HS3ST4: variants seen among roughly 807,000 people sequenced by gnomAD.
HS3ST4 encodes the protein heparan sulfate-glucosamine 3-sulfotransferase 4, also known as heparan sulfate glucosamine 3-O-sulfotransferase 4.
A neutral mutation model predicts 29.2 loss-of-function variants in HS3ST4; 17 were observed. That is an observed-to-expected ratio of 0.58 (90% confidence interval 0.40 to 0.87). The LOEUF (loss-of-function observed/expected upper bound fraction) is 0.87. Ranked by LOEUF, HS3ST4 falls within the 40% of genes least tolerant of loss-of-function variation. The pLI is 0.00. For synonymous variants in HS3ST4, 314 were observed against 285.7 expected, an observed-to-expected ratio of 1.10 and a Z score of -1.00; for missense variants, 627 against 634.5, an observed-to-expected ratio of 0.99 and a Z score of 0.13.
chr16:25,748,566 T>C (rs1966699427), intron 1 of HS3ST4, among the ~76,000 whole-genome samples: 1 of 152,230 alleles, frequency 6.6e-6, no homozygotes, highest in South Asian at 2.1e-4. Flanking sequence ...TAAAAATGCA[T>C]GAAGCAGTGT....
chr16:25,960,000 G>T (rs918510985), intron 1 of HS3ST4, among the ~76,000 whole-genome samples: 1 of 152,170 alleles, frequency 6.6e-6, no homozygotes, highest in Non-Finnish European at 1.5e-5. Flanking sequence ...GTGGAGCATG[G>T]TGTTGGGTGC....
chr16:26,105,345 G>A (rs1236953801), intron 1 of HS3ST4, among the ~76,000 whole-genome samples: 2 of 152,146 alleles, frequency 1.3e-5, no homozygotes, highest in African/African-American at 2.4e-5. Flanking sequence ...GTGAATACAA[G>A]AGTGGGGAGG....
At chr16:25,962,693 A>C (rs1416468268) in intron 1 of HS3ST4, among the ~76,000 whole-genome samples, 1 of 152,122 alleles carries the variant, frequency 6.6e-6, no homozygotes, top group Non-Finnish European at 1.5e-5. Flanking sequence ...TGAAAATAGC[A>C]TGAAGGTGAG....
intron 1 of HS3ST4, among the ~76,000 whole-genome samples, chr16:26,065,694 CACA>C (rs1898534073): frequency 1.3e-5 from 2 of 152,126 alleles, no homozygotes; most frequent in Admixed American, 1.3e-4. Context: ...TAGACTACAC[CACA>C]AAGTAAGAGA....
At chr16:26,132,016 CT>C (rs1567319467) in intron 1 of HS3ST4, among the ~76,000 whole-genome samples, 1 of 152,154 alleles carries the variant, frequency 6.6e-6, no homozygotes, top group African/African-American at 2.4e-5. Context: ...CTGTTTCCTT[CT>C]CTGTAAAACT....
At chr16:25,973,500 A>G (rs1270533011) in intron 1 of HS3ST4, among the ~76,000 whole-genome samples, 2 of 152,244 alleles carry the variant, frequency 1.3e-5, no homozygotes, top group African/African-American at 2.4e-5. Flanking sequence ...AGATGTGCCC[A>G]TGAAGAGTTC....
At chr16:25,822,288 AG>A (rs1301622131) in intron 1 of HS3ST4, among the ~76,000 whole-genome samples, 3 of 152,058 alleles carry the variant, frequency 2.0e-5, no homozygotes, top group Non-Finnish European at 4.4e-5. Context: ...CTCACTCAAG[AG>A]GTCTCTCTTG....
chr16:26,054,331 G>A (rs1045897425), intron 1 of HS3ST4, among the ~76,000 whole-genome samples: 1 of 143,692 alleles, frequency 7.0e-6, no homozygotes, highest in Non-Finnish European at 1.5e-5. Flanking sequence ...AAGAAGAAGA[G>A]AAGAAGAAGA....
At chr16:26,028,125 T>G (rs1379420122) in intron 1 of HS3ST4, among the ~76,000 whole-genome samples, 1 of 151,438 alleles carries the variant, frequency 6.6e-6, no homozygotes, top group Non-Finnish European at 1.5e-5. Flanking sequence ...ATACAAAAAT[T>G]AGCTGGGTGT....
At chr16:25,811,527 A>G (rs1967042265) in intron 1 of HS3ST4, among the ~76,000 whole-genome samples, 1 of 143,928 alleles carries the variant, frequency 6.9e-6, no homozygotes, top group African/African-American at 2.6e-5. Context: ...TCCGCCTCCC[A>G]GGTTCAAGTG....
At chr16:26,037,351 T>A (rs1216544459) in intron 1 of HS3ST4, among the ~76,000 whole-genome samples, 2 of 152,180 alleles carry the variant, frequency 1.3e-5, no homozygotes, top group Admixed American at 6.5e-5. Flanking sequence ...CTTTCTTGGA[T>A]CTCTTCTCCT....
intron 1 of HS3ST4, among the ~76,000 whole-genome samples, chr16:26,073,676 A>G (rs1898627302): frequency 7.2e-6 from 1 of 137,970 alleles, no homozygotes; most frequent in South Asian, 2.4e-4. Context: ...CCTGGTCAGA[A>G]CTTTTAATAT....
intron 1 of HS3ST4, among the ~76,000 whole-genome samples, chr16:25,804,566 G>A (rs1966971735): frequency 1.3e-5 from 2 of 152,146 alleles, no homozygotes; most frequent in African/African-American, 4.8e-5. Context: ...AATTTCCTGA[G>A]CAATTCTGCT....
At chr16:25,951,889 T>G (rs1968686280) in intron 1 of HS3ST4, among the ~76,000 whole-genome samples, 2 of 152,056 alleles carry the variant, frequency 1.3e-5, no homozygotes, top group Admixed American at 6.6e-5. Context: ...ATTTTTACAT[T>G]TCTAAATGGT....
At chr16:25,793,031 A>G (rs896101610) in intron 1 of HS3ST4, among the ~76,000 whole-genome samples, 1 of 151,884 alleles carries the variant, frequency 6.6e-6, no homozygotes, top group African/African-American at 2.4e-5. Context: ...ATGGTTACTA[A>G]CAATTGTGTT....
chr16:25,960,577 A>G (rs935118407), intron 1 of HS3ST4, among the ~76,000 whole-genome samples: 4 of 152,138 alleles, frequency 2.6e-5, no homozygotes, highest in African/African-American at 7.2e-5. Flanking sequence ...TCCTGGAAGA[A>G]CTGTGCTACA....
chr16:26,063,305 G>A lies in HS3ST4; in HGVS notation c.735-72307G>A, dbSNP rs150304736. On this transcript the variant is annotated intron_variant, in intron 1 of 1. Transcript: ENST00000331351. ...TCTTCCTCCCCAACCCCTTCCATTG[G>A]TTGAATTATAGCCTCTGTCTGTACC... Among the ~76,000 whole-genome samples, 968 of 152,096 alleles carry A rather than the reference G, an allele frequency of 6.4e-3. 19 individuals are homozygous for A. The highest frequency in any genetic ancestry group is 0.022 in the African/African-American group (930 of 41,478).
chr16:26,030,543 C>CA (rs1156846409), intron 1 of HS3ST4, among the ~76,000 whole-genome samples: 1 of 152,188 alleles, frequency 6.6e-6, no homozygotes, highest in Non-Finnish European at 1.5e-5. Flanking sequence ...AGAAATATTA[C>CA]ACTTTTTCTC....
At chr16:25,985,514 G>A (rs866905090) in intron 1 of HS3ST4, among the ~76,000 whole-genome samples, 3 of 152,118 alleles carry the variant, frequency 2.0e-5, no homozygotes, top group African/African-American at 7.2e-5. Flanking sequence ...AACATTAAGT[G>A]CATTTTCACC....
Sources: gnomAD v4.1 joint callset for allele counts (sites outside exome capture counted in the v4.1 genomes callset) on GRCh38, gnomAD v4.1.1 for gene constraint, MANE v1.5 for transcripts, NCBI Gene and HGNC (gene_info 2026-07-23, HGNC 2026-07-21) for gene names.